Variants in CD44 observed in about 807,000 individuals in gnomAD.
The protein encoded by CD44 is CD44 antigen.
A neutral mutation model predicts 88.8 loss-of-function variants in CD44; 49 were observed. The ratio of observed to expected loss-of-function variants is 0.55; its 90% CI spans 0.44 to 0.70. CD44 has a LOEUF of 0.70. Ranked by LOEUF, CD44 falls within the 30% of genes least tolerant of loss-of-function variation. The pLI is 0.00. For synonymous variants in CD44, 325 were observed against 312.3 expected (o/e 1.04, Z -0.43); for missense variants, 883 against 913.8 (o/e 0.97, Z 0.43).
Position 35,189,873 on chromosome 11 carries a change from G to A in CD44, c.475G>A (p.Gly159Arg). Reference sequence around the variant, plus strand: ...TGATGGCACCCGCTATGTCCAGAAAGGAGAATACAGAACGAATCCTGAAGA... The same window carrying A: ...TGATGGCACCCGCTATGTCCAGAAAAGAGAATACAGAACGAATCCTGAAGA... ...NRDGTRYVQK[G>R]EYRTNPEDIY... is the part of the protein sequence containing the mutation. Residue 159 changes from glycine to arginine, a missense_variant, in exon 5 of 18, where the codon GGA becomes AGA. This residue lies in a region of CD44 where 252 missense variants were observed against 322.9 expected (regional missense o/e 0.78). Coordinates refer to ENST00000428726, the MANE Select transcript of CD44 (RefSeq NM_000610.4). The A allele has an allele frequency of 6.2e-7, 1 of 1,614,094 alleles. No homozygotes were observed. Among genetic ancestry groups the A allele is most frequent in the Non-Finnish European group, 8.5e-7 (1 of 1,179,990 alleles).
chr11:35,152,511 A>G (rs1860520725), intron 1 of CD44, among the ~76,000 whole-genome samples: 1 of 152,214 alleles, frequency 6.6e-6, no homozygotes, highest in Non-Finnish European at 1.5e-5. Context: ...CCATTTGGGG[A>G]TAATAATCCC....
chr11:35,222,092 T>G (rs898658387), intron 17 of CD44, among the ~76,000 whole-genome samples: 2 of 152,236 alleles, frequency 1.3e-5, no homozygotes, highest in Non-Finnish European at 2.9e-5. Context: ...TGATGAAAGT[T>G]ATGAAGTATC....
intron 1 of CD44, among the ~76,000 whole-genome samples, chr11:35,162,278 T>G (rs1031518366): frequency 6.6e-6 from 1 of 152,146 alleles, no homozygotes; most frequent in African/African-American, 2.4e-5. Flanking sequence ...TAGGTCTAGG[T>G]CTAGGTCACC....
chr11:35,201,301 T>C (rs1947296372), intron 8 of CD44, 106 bp downstream of exon 8: 6 of 800,930 alleles, frequency 7.5e-6, no homozygotes, highest in East Asian at 2.6e-5. Context: ...TAATATCTGA[T>C]CAAGAAATTC....
chr11:35,200,598 A>G (rs1947219022), intron 7 of CD44: 1 of 155,858 alleles, frequency 6.4e-6, no homozygotes, highest in East Asian at 1.8e-4. Context: ...TCCTTTCCCC[A>G]CTGAAATTAC....
intron 13 of CD44, chr11:35,210,871 C>T (rs1009056988): frequency 1.2e-5 from 2 of 171,498 alleles, no homozygotes; most frequent in Admixed American, 1.1e-4. Flanking sequence ...ATCTTTCAAT[C>T]CAATGATATG....
At chr11:35,219,938 G>A (rs12577007) in intron 16 of CD44, among the ~76,000 whole-genome samples, 3,433 of 152,294 alleles carry the variant, frequency 0.023, 296 homozygotes, top group East Asian at 0.22. Context: ...TGTGCAGTGA[G>A]GAGGCTGGGA....
At chr11:35,181,660 A>G (rs1945000598) in intron 3 of CD44, among the ~76,000 whole-genome samples, 1 of 134,348 alleles carries the variant, frequency 7.4e-6, no homozygotes, top group African/African-American at 2.8e-5. Context: ...ACACAGATAT[A>G]TACATATACA....
At chr11:35,193,845 G>A (rs1946492118) in intron 5 of CD44, among the ~76,000 whole-genome samples, 1 of 152,218 alleles carries the variant, frequency 6.6e-6, no homozygotes, top group South Asian at 2.1e-4. Flanking sequence ...ATGATAGATG[G>A]ATACCTGAGG....
chr11:35,143,871 T>C (rs960796756), intron 1 of CD44, among the ~76,000 whole-genome samples: 2 of 151,962 alleles, frequency 1.3e-5, no homozygotes, highest in South Asian at 4.1e-4. Context: ...AAGAGAGAGG[T>C]GGTTGCTTGT....
intron 3 of CD44, among the ~76,000 whole-genome samples, chr11:35,183,337 A>AC (rs1945338821): frequency 9.2e-6 from 1 of 108,622 alleles, no homozygotes; most frequent in African/African-American, 4.1e-5. Flanking sequence ...AAGCAATGAG[A>AC]CAAAAAAAAA....
intron 15 of CD44, among the ~76,000 whole-genome samples, chr11:35,216,811 C>G (rs935895238): frequency 7.9e-5 from 12 of 152,178 alleles, no homozygotes; most frequent in Non-Finnish European, 1.2e-4. Context: ...CACCTAGGAA[C>G]TTGTTGGAAA....
At chr11:35,181,945 AAT>A (rs371766266) in intron 3 of CD44, among the ~76,000 whole-genome samples, 1 of 77,168 alleles carries the variant, frequency 1.3e-5, no homozygotes, top group Non-Finnish European at 2.4e-5. Context: ...AATTATATAT[AAT>A]ATATATAAAT....
In CD44 at chr11:35,211,402, C is replaced by A; in HGVS notation, c.1763C>A (p.Ala588Glu). Residue 588 changes from alanine (A) to glutamate (E), a missense_variant, in exon 14 of 18, where the codon GCA becomes GAA. Around this residue, in one of 2 missense-constraint regions of CD44, gnomAD observed 631 missense variants for 590.9 expected, o/e 1.07. Transcript: ENST00000428726. ...SAKTGSFGVT[A>E]VTVGDSNSNV... The stretch of plus-strand genomic sequence containing the variant: ...AAGACTGGGTCCTTTGGAGTTACTG[C>A]AGTTACTGTTGGAGATTCCAACTCT... The A allele has an allele frequency of 6.2e-7, 1 of 1,614,000 alleles. No individual in the cohort carries two copies. Among genetic ancestry groups the A allele is most frequent in the Non-Finnish European group, 8.5e-7 (1 of 1,179,920 alleles).
At chr11:35,183,652 G>A (rs1270591723) in intron 3 of CD44, among the ~76,000 whole-genome samples, 1 of 152,110 alleles carries the variant, frequency 6.6e-6, no homozygotes, top group Non-Finnish European at 1.5e-5. Context: ...CATGGCCTGT[G>A]GCTAACAAAT....
chr11:35,191,836 C>A (rs1946299970), intron 5 of CD44, among the ~76,000 whole-genome samples: 1 of 152,148 alleles, frequency 6.6e-6, no homozygotes, highest in African/African-American at 2.4e-5. Context: ...AGTTAGTCAG[C>A]AAACGTATTT....
intron 12 of CD44, among the ~76,000 whole-genome samples, chr11:35,209,736 A>G (rs1325220816): frequency 6.6e-6 from 1 of 152,164 alleles, no homozygotes; most frequent in African/African-American, 2.4e-5. Context: ...TTGCCACTTT[A>G]CCTTTGATGA....
At chr11:35,225,276 G>C (rs1430358658) in intron 17 of CD44, among the ~76,000 whole-genome samples, 1 of 152,158 alleles carries the variant, frequency 6.6e-6, no homozygotes, top group Non-Finnish European at 1.5e-5. Flanking sequence ...TCAGGTAGAA[G>C]AGTCATGAGA....
chr11:35,180,524 A>G, intron 3 of CD44, 117 bp downstream of exon 3: 2 of 1,134,854 alleles, frequency 1.8e-6, no homozygotes, highest in Non-Finnish European at 2.6e-6. Context: ...CTCACTGAAT[A>G]TCTGTACAGC....
Sources: allele counts gnomAD v4.1 joint callset (sites outside exome capture counted in the v4.1 genomes callset), GRCh38; gene constraint gnomAD v4.1.1; regional missense constraint gnomAD v4.1.1; transcripts MANE v1.5; gene names NCBI Gene and HGNC (gene_info 2026-07-23, HGNC 2026-07-21).